Variants in SMC3 observed in about 807,000 individuals in gnomAD.
SMC3 encodes structural maintenance of chromosomes 3, also known as structural maintenance of chromosomes protein 3.
In SMC3, 20 loss-of-function variants were observed where a neutral mutation model predicts 171.8. The ratio of observed to expected loss-of-function variants is 0.12; its 90% CI spans 0.08 to 0.17. The LOEUF (loss-of-function observed/expected upper bound fraction) is 0.17. Among genes scored for constraint, SMC3 ranks in the 10% least tolerant of loss-of-function variants. The pLI, the probability that SMC3 is intolerant of heterozygous loss-of-function variation, is 1.00. For synonymous variants in SMC3, 464 were observed against 451.1 expected, an observed-to-expected ratio of 1.03 and a Z score of -0.36; for missense variants, 543 against 1,420.4, an observed-to-expected ratio of 0.38 and a Z score of 9.93.
At chr10:110,587,689 GAAAA>G (rs34378467) in intron 13 of SMC3, among the ~76,000 whole-genome samples, 15 of 94,262 alleles carry the variant, frequency 1.6e-4, no homozygotes, top group African/African-American at 3.1e-4. Flanking sequence ...CCGTCTCAAA[GAAAA>G]AAAAAAAAAA....
At chr10:110,577,985 C>A in intron 6 of SMC3, 71 bp downstream of exon 6, 1 of 1,080,662 alleles carries the variant, frequency 9.3e-7, no homozygotes, top group Non-Finnish European at 1.4e-6. Context: ...GCTGTGTTGG[C>A]CAGGTTGGTC....
chr10:110,590,141 T>G, intron 15 of SMC3, 150 bp downstream of exon 15: 1 of 728,312 alleles, frequency 1.4e-6, no homozygotes, highest in Non-Finnish European at 2.3e-6. Flanking sequence ...TGATAGAGAT[T>G]AAATAGTTTT....
intron 2 of SMC3, among the ~76,000 whole-genome samples, chr10:110,572,874 A>G (rs964977392): frequency 3.3e-5 from 5 of 152,026 alleles, no homozygotes; most frequent in African/African-American, 9.7e-5. Flanking sequence ...TGCATGGATT[A>G]TTCCCCCCAC....
At position 110,600,417 on chromosome 10, in the gene SMC3, GACA is replaced by G; in HGVS notation, c.2428-19_2428-17del. The G allele has an allele frequency of 8.3e-7, 1 of 1,211,836 alleles. No homozygotes were observed. The highest frequency in any genetic ancestry group is 2.3e-5 in the East Asian group (1 of 43,050). 75.1% of individuals were successfully genotyped at this position (1,211,836 alleles called of 1,614,324 possible). On this transcript the variant is annotated intron_variant, in intron 21 of 28. Transcript: ENST00000361804. ...TGTGTGAAATGTACATGCTTATATAGACAACTTTTTCTTAATTCTAGGAAAACA... is the reference window on the plus strand; with the variant it reads ...TGTGTGAAATGTACATGCTTATATAGACTTTTTCTTAATTCTAGGAAAACA...
intron 18 of SMC3, 25 bp from the exon 19 acceptor site, chr10:110,596,373 C>T: frequency 1.9e-6 from 3 of 1,607,794 alleles, no homozygotes; most frequent in Non-Finnish European, 2.5e-6. Context: ...GTTGTACAGA[C>T]CTATTACATA....
Position 110,602,607 on chromosome 10 carries a change from G to T in SMC3, c.3239G>T (p.Gly1080Val). The change falls in exon 26 of 29, where the codon GGT becomes GTT. Residue 1080 changes from glycine (G) to valine (V), a missense_variant. Around this residue, in one of 8 missense-constraint regions of SMC3, gnomAD observed 34 missense variants for 59.1 expected, o/e 0.58. Transcript: ENST00000361804. ...GAAGGGAGTGGTGAGAGTGAGAGGG[G>T]TTCTGGCTCACAAAGCAGTGTCCCA... is the stretch of plus-strand genomic sequence containing the variant. ...EGEGSGESERGSGSQSSVPSV... is the reference protein window; with the variant it reads ...EGEGSGESERVSGSQSSVPSV... The T allele has an allele frequency of 1.2e-6, 2 of 1,613,942 alleles. No homozygotes were observed. Among genetic ancestry groups the T allele is most frequent in the Non-Finnish European group, 1.7e-6 (2 of 1,179,888 alleles).
chr10:110,574,096 A>G (rs1332592472), intron 3 of SMC3, among the ~76,000 whole-genome samples: 1 of 152,226 alleles, frequency 6.6e-6, no homozygotes, highest in Non-Finnish European at 1.5e-5. Context: ...TAATATATAA[A>G]TGTTATAAAT....
chr10:110,590,669 CT>C (rs1162265653), intron 16 of SMC3, 97 bp downstream of exon 16: 4 of 1,008,648 alleles, frequency 4.0e-6, no homozygotes, highest in African/African-American at 1.6e-5. Context: ...CTTCCATTAT[CT>C]TTTTATATCT....
At chr10:110,582,673 T>TA in intron 10 of SMC3, 31 bp downstream of exon 10, 2 of 1,512,178 alleles carry the variant, frequency 1.3e-6, no homozygotes, top group East Asian at 2.3e-5. Flanking sequence ...CATGTTAACT[T>TA]ACTTTTTACT....
At chr10:110,583,668 A>G (rs2134726868) in intron 11 of SMC3, 120 bp downstream of exon 11, 6 of 1,234,186 alleles carry the variant, frequency 4.9e-6, no homozygotes, top group South Asian at 1.3e-5. Flanking sequence ...CTACGTTAGC[A>G]TAATTTGTAC....
At chr10:110,590,624 G>A in intron 16 of SMC3, 52 bp downstream of exon 16, 1 of 1,502,920 alleles carries the variant, frequency 6.7e-7, no homozygotes. Context: ...AATAAGAATA[G>A]CTTAAACAAC....
chr10:110,584,296 T>C lies in SMC3; in HGVS notation c.1205T>C (p.Leu402Ser). 6.2e-7 allele frequency: 1 copy of C among 1,613,972 alleles called. No individual in the cohort carries two copies. The highest frequency in any genetic ancestry group is 8.5e-7 in the Non-Finnish European group (1 of 1,179,818). ...DKWIKKELKS[L>S]DQAINDKKRQ... ...TGGATTAAAAAGGAACTCAAGTCTT[T>C]AGATCAGGCTATTAATGACAAGAAA... is the stretch of plus-strand genomic sequence containing the variant. The change falls in exon 13 of 29, where the codon TTA becomes TCA. Residue 402 changes from leucine to serine, a missense_variant. Coordinates refer to ENST00000361804, the MANE Select transcript of SMC3 (RefSeq NM_005445.4).
intron 12 of SMC3, 62 bp downstream of exon 12, chr10:110,584,024 C>A (rs1375568545): frequency 6.3e-7 from 1 of 1,589,888 alleles, no homozygotes; most frequent in Non-Finnish European, 8.6e-7. Context: ...CTAGGTTGTC[C>A]GAGGAGCTCA....
intron 1 of SMC3, 89 bp from the exon 2 acceptor site, chr10:110,568,849 C>A: frequency 1.3e-6 from 1 of 785,178 alleles, no homozygotes; most frequent in Non-Finnish European, 2.2e-6. Context: ...TTCTATATTG[C>A]ATTAAATGAA....
chr10:110,595,240 A>G (rs1282156959), intron 18 of SMC3, among the ~76,000 whole-genome samples: 1 of 151,308 alleles, frequency 6.6e-6, no homozygotes, highest in African/African-American at 2.4e-5. Flanking sequence ...TCAACCTCCC[A>G]AAGTGCTGGG....
At chr10:110,569,301 A>T (rs1367839173) in intron 2 of SMC3, among the ~76,000 whole-genome samples, 2 of 152,154 alleles carry the variant, frequency 1.3e-5, no homozygotes, top group Non-Finnish European at 2.9e-5. Flanking sequence ...CTTGTTATAT[A>T]TCCTAGTGAA....
intron 13 of SMC3, among the ~76,000 whole-genome samples, chr10:110,585,351 A>G (rs1170235000): frequency 7.0e-6 from 1 of 143,252 alleles, no homozygotes; most frequent in African/African-American, 2.6e-5. Flanking sequence ...GTGCAGTGGC[A>G]TGATCTCAGC....
Position 110,601,147 on chromosome 10 carries a change from T to C in SMC3, c.2644+17T>C, listed in dbSNP as rs761315267. The C allele has an allele frequency of 6.3e-7, 1 of 1,580,628 alleles. No individual in the cohort carries two copies. The highest frequency in any genetic ancestry group is 8.7e-7 in the Non-Finnish European group (1 of 1,149,676). On this transcript the variant is annotated intron_variant, in intron 23 of 28. Coordinates refer to ENST00000361804, the MANE Select transcript of SMC3 (RefSeq NM_005445.4). ...GATCAGAAGGTGAATTTTTATGTAG[T>C]AAAATTTTGTTTATATGCATGTTTT...
intron 13 of SMC3, among the ~76,000 whole-genome samples, chr10:110,585,010 G>T (rs1861087648): frequency 6.6e-6 from 1 of 151,960 alleles, no homozygotes; most frequent in South Asian, 2.1e-4. Context: ...AAAATAGCTT[G>T]TTGGTAACTT....
Sources: allele counts gnomAD v4.1 joint callset (sites outside exome capture counted in the v4.1 genomes callset), GRCh38; gene constraint gnomAD v4.1.1; regional missense constraint gnomAD v4.1.1; transcripts MANE v1.5; gene names NCBI Gene and HGNC (gene_info 2026-07-23, HGNC 2026-07-21).